The following ST8SIA3 variants were observed in gnomAD, a reference collection of about 807,000 sequenced individuals.
The protein encoded by ST8SIA3 is ST8 alpha-N-acetyl-neuraminide alpha-2,8-sialyltransferase 3, also known as alpha-N-acetylneuraminate alpha-2,8-sialyltransferase ST8SIA3.
In ST8SIA3, 17 loss-of-function variants were observed where a neutral mutation model predicts 34.5. The observed-to-expected ratio is 0.49, with a 90% CI of 0.34 to 0.74. The LOEUF (loss-of-function observed/expected upper bound fraction) is 0.74. Among genes scored for constraint, ST8SIA3 ranks in the 30% least tolerant of loss-of-function variants. ST8SIA3 has a pLI of 0.01. For synonymous variants in ST8SIA3, 172 were observed against 176.1 expected (o/e 0.98, Z 0.19); for missense variants, 354 against 467.8 (o/e 0.76, Z 2.24).
At chr18:57,358,235 A>T (rs1410500833) in intron 3 of ST8SIA3, among the ~76,000 whole-genome samples, 1 of 152,254 alleles carries the variant, frequency 6.6e-6, no homozygotes, top group South Asian at 2.1e-4. Context: ...GTCAGAATTG[A>T]GAACCACTAG....
intron 2 of ST8SIA3, among the ~76,000 whole-genome samples, chr18:57,356,184 G>C (rs1316736080): frequency 6.6e-6 from 1 of 152,090 alleles, no homozygotes; most frequent in Non-Finnish European, 1.5e-5. Flanking sequence ...TATCAGTCTT[G>C]CCTTGTTTAT....
chr18:57,355,411 GCTCT>G (rs1003133689), intron 2 of ST8SIA3, among the ~76,000 whole-genome samples: 2 of 151,916 alleles, frequency 1.3e-5, no homozygotes, highest in South Asian at 2.1e-4. Flanking sequence ...TCTAGTTATT[GCTCT>G]CTCTCTCTTT....
Position 57,353,040 on chromosome 18 carries a change from C to T in ST8SIA3, c.179+15C>T. 6.2e-7 allele frequency: 1 copy of T among 1,602,680 alleles called. No homozygotes were observed. Among genetic ancestry groups the T allele is most frequent in the South Asian group, 1.1e-5 (1 of 91,024 alleles). On this transcript the variant is annotated intron_variant, in intron 1 of 3. Coordinates refer to ENST00000324000, the MANE Select transcript of ST8SIA3 (RefSeq NM_015879.3). ...GCGGGATTCCGGTGAGTGCGGGCCT[C>T]TGTGTTAGTGCCCTCGGGAATTTGG...
chr18:57,357,831 G>A (rs1223927257), intron 3 of ST8SIA3, among the ~76,000 whole-genome samples: 1 of 152,168 alleles, frequency 6.6e-6, no homozygotes, highest in Non-Finnish European at 1.5e-5. Flanking sequence ...GGCTAAATTA[G>A]AGACAAATCA....
chr18:57,356,108 C>T (rs978251510), intron 2 of ST8SIA3, among the ~76,000 whole-genome samples: 23 of 152,132 alleles, frequency 1.5e-4, no homozygotes, highest in African/African-American at 5.1e-4. Context: ...AATAGCTAAA[C>T]TTTAAGAAGA....
rs1316519167 is a variant in ST8SIA3, at chr18:57,364,387, TTTGAAATATTGTG to T, written c.*4113_*4125del. ...TTTATAGGTAATCTCAACAGCAGAC[TTTGAAATATTGTG>T]TTTGGTTCAATATGCTAAGAAGATA... On this transcript the variant is annotated 3_prime_UTR_variant, in exon 4 of 4. Transcript: ENST00000324000. 1 of 152,248 alleles carries T rather than the reference TTTGAAATATTGTG, an allele frequency of 6.6e-6. No homozygotes were observed. Among genetic ancestry groups the T allele is most frequent in the East Asian group, 1.9e-4 (1 of 5,202 alleles). The allele number at this position is 152,248 out of a possible 1,614,324, so 9.4% of individuals were successfully genotyped here. A position where few individuals can be genotyped will look rare whatever the true frequency, so the allele number is the denominator to read the frequency against.
rs1411209393 is a variant in ST8SIA3 at position 57,352,625 on chromosome 18, A to C, written c.-222A>C. On this transcript the variant is annotated 5_prime_UTR_variant, in exon 1 of 4. Transcript: ENST00000324000. ...CACCGGGCCCCGCGCGCCCCTGCCT[A>C]CGGGGTCCCGCTGCTCTCCGGGGCT... The C allele has an allele frequency of 5.4e-6, 3 of 551,562 alleles. No individual in the cohort carries two copies. The highest frequency in any genetic ancestry group is 6.5e-6 in the Non-Finnish European group (2 of 307,914). 34.2% of individuals were successfully genotyped at this position (551,562 alleles called of 1,614,324 possible).
In ST8SIA3 at chr18:57,354,529, G is replaced by T; in HGVS notation, c.302+5G>T. ...GACAGCGTTTTTACATCAAAGGTAG[G>T]ATAGGAGGAAAAGATCCAAAAGGTG... On this transcript the variant is annotated splice_donor_5th_base_variant and intron_variant, in intron 2 of 3. Coordinates refer to ENST00000324000, the MANE Select transcript of ST8SIA3 (RefSeq NM_015879.3). 6.2e-7 allele frequency: 1 copy of T among 1,613,894 alleles called. No homozygotes were observed.
chr18:57,353,902 G>C (rs2049781807), intron 1 of ST8SIA3, among the ~76,000 whole-genome samples: 1 of 152,216 alleles, frequency 6.6e-6, no homozygotes, highest in Non-Finnish European at 1.5e-5. Flanking sequence ...CGGCCCCCGG[G>C]GGTCCCCAGC....
At chr18:57,356,845 A>G (rs753525702) in intron 2 of ST8SIA3, 68 bp from the exon 3 acceptor site, 82 of 1,009,440 alleles carry the variant, frequency 8.1e-5, no homozygotes, top group African/African-American at 1.8e-4. Flanking sequence ...AAATGTCAGC[A>G]TAAGTCATAA....
At position 57,365,029 on chromosome 18, in the gene ST8SIA3, G is replaced by T. The variant is rs973291425; in HGVS notation, c.*4752G>T. 3.9e-5 allele frequency: 6 copies of T among 152,092 alleles called. No homozygotes were observed. Among genetic ancestry groups the T allele is most frequent in the African/African-American group, 1.4e-4 (6 of 41,406 alleles). The allele number at this position is 152,092 out of a possible 1,614,324, so 9.4% of individuals were successfully genotyped here. A position where few individuals can be genotyped will look rare whatever the true frequency, so the allele number is the denominator to read the frequency against. ...GTTTAAGGTTACCCTGGGGTTCTGG[G>T]GTTAGGACCCGGATTATGCAGCTGA... On this transcript the variant is annotated 3_prime_UTR_variant, in exon 4 of 4. Coordinates refer to ENST00000324000, the MANE Select transcript of ST8SIA3 (RefSeq NM_015879.3).
At chr18:57,356,867 A>T (rs760720787) in intron 2 of ST8SIA3, 46 bp from the exon 3 acceptor site, 1 of 1,236,156 alleles carries the variant, frequency 8.1e-7, no homozygotes, top group Non-Finnish European at 1.1e-6. Context: ...ATGGAAAATC[A>T]GTTCTTCTGA....
chr18:57,358,437 C>A (rs752269856), intron 3 of ST8SIA3, among the ~76,000 whole-genome samples: 1 of 152,104 alleles, frequency 6.6e-6, no homozygotes, highest in Non-Finnish European at 1.5e-5. Flanking sequence ...CTTTATTCCA[C>A]AATAGATTTT....
intron 2 of ST8SIA3, among the ~76,000 whole-genome samples, 188 bp from the exon 3 acceptor site, chr18:57,356,725 C>CT (rs1398682576): frequency 2.0e-5 from 3 of 152,136 alleles, no homozygotes; most frequent in African/African-American, 7.2e-5. Context: ...CAGAAATTGA[C>CT]TGAAAGATTA....
Position 57,352,581 on chromosome 18 carries a change from C to A in ST8SIA3, c.-266C>A. 1 of 472,036 alleles carries A rather than the reference C, an allele frequency of 2.1e-6. No homozygotes were observed. Among genetic ancestry groups the A allele is most frequent in the Admixed American group, 3.2e-5 (1 of 31,148 alleles). The allele number at this position is 472,036 out of a possible 1,614,324, so 29.2% of individuals were successfully genotyped here. ...TCCTTCGCCACGCCGCCGCGCAGCCCCTCCATCTTCCTGCTCGGCACCGGG... is the reference window on the plus strand; with the variant it reads ...TCCTTCGCCACGCCGCCGCGCAGCCACTCCATCTTCCTGCTCGGCACCGGG... On this transcript the variant is annotated 5_prime_UTR_variant, in exon 1 of 4. Coordinates refer to ENST00000324000, the MANE Select transcript of ST8SIA3 (RefSeq NM_015879.3).
chr18:57,353,058 G>A (rs376747963), intron 1 of ST8SIA3, 33 bp downstream of exon 1: 3 of 1,593,422 alleles, frequency 1.9e-6, no homozygotes, highest in African/African-American at 2.7e-5. Context: ...GTGCCCTCGG[G>A]AATTTGGTTG....
rs550287542 is a variant in ST8SIA3 at position 57,361,562 on chromosome 18, G to A, written c.*1285G>A. On this transcript the variant is annotated 3_prime_UTR_variant, in exon 4 of 4. Coordinates refer to ENST00000324000, the MANE Select transcript of ST8SIA3 (RefSeq NM_015879.3). ...CAAAAGAAAAAGCCATTGTGCAGTG[G>A]CAAGAGTTGGAATCCAAGATTATGT... 2.6e-5 allele frequency: 4 copies of A among 152,632 alleles called. No homozygotes were observed. The highest frequency in any genetic ancestry group is 5.9e-5 in the Non-Finnish European group (4 of 68,024). The allele number at this position is 152,632 out of a possible 1,614,324, so 9.5% of individuals were successfully genotyped here.
rs556192317 is a variant in ST8SIA3, at chr18:57,355,327, C to T, written c.302+803C>T. On this transcript the variant is annotated intron_variant, in intron 2 of 3. Coordinates refer to ENST00000324000, the MANE Select transcript of ST8SIA3 (RefSeq NM_015879.3). ...GCTAAATGGGATGTGAGCCATCTAG[C>T]GTATTCATTAGAAGTGTGAATACTT... is the stretch of plus-strand genomic sequence containing the variant. Among the ~76,000 whole-genome samples, 9 of 152,238 alleles carry T rather than the reference C, an allele frequency of 5.9e-5. No individual in the cohort carries two copies. The East Asian group carries it at 7.7e-4, about 13-fold the overall frequency.
At position 57,360,109 on chromosome 18, in the gene ST8SIA3, A is replaced by G. The variant is rs2049822111; in HGVS notation, c.975A>G (p.Gly325=). 6.2e-7 allele frequency: 1 copy of G among 1,614,066 alleles called. No homozygotes were observed. The highest frequency in any genetic ancestry group is 1.3e-5 in the African/African-American group (1 of 74,926). ...EIHLYGFWPF[G]FDPNTREDLP... ...ACTTGTATGGATTTTGGCCGTTTGG[A>G]TTTGACCCCAACACAAGGGAAGATC... is the stretch of plus-strand genomic sequence containing the variant. The change falls in exon 4 of 4, where the codon GGA becomes GGG. Residue 325 remains glycine, a synonymous_variant. Coordinates refer to ENST00000324000, the MANE Select transcript of ST8SIA3 (RefSeq NM_015879.3).
Sources: gnomAD v4.1 joint callset for allele counts (sites outside exome capture counted in the v4.1 genomes callset) on GRCh38, gnomAD v4.1.1 for gene constraint, MANE v1.5 for transcripts, NCBI Gene and HGNC (gene_info 2026-07-23, HGNC 2026-07-21) for gene names.